ANO2: variants seen among roughly 807,000 people sequenced by gnomAD.
ANO2 encodes anoctamin 2, also known as anoctamin-2.
ANO2 carries 101 observed loss-of-function variants against 124.2 expected under a neutral mutation model. The observed-to-expected ratio is 0.81, with a 90% confidence interval of 0.69 to 0.96. The LOEUF (loss-of-function observed/expected upper bound fraction) is 0.96. Ranked by LOEUF, ANO2 falls within the 40% of genes least tolerant of loss-of-function variation. The pLI, the probability that ANO2 is intolerant of heterozygous loss-of-function variation, is 0.00. For synonymous variants in ANO2, 486 were observed against 482.5 expected, an observed-to-expected ratio of 1.01 and a Z score of -0.09; for missense variants, 1,293 against 1,274.5, an observed-to-expected ratio of 1.01 and a Z score of -0.22.
intron 14 of ANO2, among the ~76,000 whole-genome samples, chr12:5,699,272 A>G (rs1949311121): frequency 6.6e-6 from 1 of 152,228 alleles, no homozygotes; most frequent in Non-Finnish European, 1.5e-5. Context: ...GCCAGAAGAG[A>G]GTGGGGGCCA....
intron 4 of ANO2, among the ~76,000 whole-genome samples, chr12:5,852,853 G>GTA (rs1954954931): frequency 2.9e-5 from 4 of 138,834 alleles, no homozygotes; most frequent in Admixed American, 2.8e-4. Context: ...AGGGACGTGT[G>GTA]TGTGTGTGTG....
At chr12:5,785,360 CAA>C (rs2137140154) in intron 10 of ANO2, among the ~76,000 whole-genome samples, 1 of 152,140 alleles carries the variant, frequency 6.6e-6, no homozygotes, top group East Asian at 1.9e-4. Context: ...TGGGGGACAG[CAA>C]AGAGGGGTCA....
At chr12:5,818,094 G>A (rs779558144) in intron 7 of ANO2, among the ~76,000 whole-genome samples, 15 of 152,200 alleles carry the variant, frequency 9.9e-5, no homozygotes, top group Non-Finnish European at 2.2e-4. Context: ...GAGGTGTGAT[G>A]GTTAATACTG....
At chr12:5,598,995 C>T (rs1164568039) in intron 20 of ANO2, among the ~76,000 whole-genome samples, 2 of 152,186 alleles carry the variant, frequency 1.3e-5, no homozygotes, top group East Asian at 1.9e-4. Flanking sequence ...TCATCTTATC[C>T]AGCCTTATCT....
chr12:5,845,306 G>A (rs956186306), intron 4 of ANO2, among the ~76,000 whole-genome samples: 4 of 151,182 alleles, frequency 2.6e-5, no homozygotes, highest in East Asian at 1.9e-4. Flanking sequence ...TGTGGCTCAC[G>A]CCTGTAATCC....
At chr12:5,823,480 A>G (rs1446676122) in intron 7 of ANO2, among the ~76,000 whole-genome samples, 1 of 152,246 alleles carries the variant, frequency 6.6e-6, no homozygotes, top group East Asian at 1.9e-4. Context: ...GTAAAATTTT[A>G]AAGCTCCAAA....
chr12:5,740,056 C>G (rs1951034712), intron 12 of ANO2: 1 of 443,384 alleles, frequency 2.3e-6, no homozygotes, highest in South Asian at 1.6e-5. Flanking sequence ...TTGCCTGCCC[C>G]ACCCACGGCC....
chr12:5,861,646 C>G (rs1347433567), intron 3 of ANO2, among the ~76,000 whole-genome samples: 1 of 152,122 alleles, frequency 6.6e-6, no homozygotes, highest in African/African-American at 2.4e-5. Flanking sequence ...TGCTGTGAGG[C>G]AAGAACGTCA....
At chr12:5,827,567 C>A (rs1052283096) in intron 7 of ANO2, among the ~76,000 whole-genome samples, 3 of 152,176 alleles carry the variant, frequency 2.0e-5, no homozygotes, top group African/African-American at 7.2e-5. Context: ...GTTACAACAG[C>A]CTGGGGGCAG....
chr12:5,565,713 G>A, intron 23 of ANO2, 50 bp from the exon 24 acceptor site: 7 of 1,466,852 alleles, frequency 4.8e-6, no homozygotes, highest in Non-Finnish European at 6.5e-6. Flanking sequence ...TGGAGAAAAG[G>A]GTGGTCATTC....
At chr12:5,855,691 A>G (rs961241128) in intron 3 of ANO2, among the ~76,000 whole-genome samples, 2 of 152,218 alleles carry the variant, frequency 1.3e-5, no homozygotes, top group Non-Finnish European at 2.9e-5. Flanking sequence ...ATTTGCAACT[A>G]TGCTGTAAGG....
At chr12:5,801,760 A>T (rs1231704111) in intron 9 of ANO2, among the ~76,000 whole-genome samples, 1 of 152,240 alleles carries the variant, frequency 6.6e-6, no homozygotes, top group Non-Finnish European at 1.5e-5. Flanking sequence ...AGGCAGAGGA[A>T]CATCTGAATT....
chr12:5,591,623 C>A (rs572603813), intron 20 of ANO2, among the ~76,000 whole-genome samples: 1 of 152,150 alleles, frequency 6.6e-6, no homozygotes, highest in African/African-American at 2.4e-5. Flanking sequence ...GATCGTTCTC[C>A]TTGGTAGGTC....
chr12:5,942,837 T>C (rs6489678), intron 1 of ANO2, among the ~76,000 whole-genome samples: 146,948 of 152,348 alleles, frequency 0.96, 71,091 homozygotes, highest in Middle Eastern at 1. Flanking sequence ...GATATATAAA[T>C]AGCCAACAAA....
In ANO2 at chr12:5,913,450, C is replaced by T. The variant is rs530095665; in HGVS notation, c.534+7590G>A. ...GTGGGCTCACGGCCCTGGCGCCACA[C>T]GCTCCTTCTGGAAAGGAAGAATAGG... On this transcript the variant is annotated intron_variant, in intron 3 of 24. Transcript: ENST00000682330. Among the ~76,000 whole-genome samples the T allele has an allele frequency of 4.1e-4, 63 of 152,324 alleles. No homozygotes were observed. The South Asian group carries it at 8.5e-3, about 21-fold the overall frequency.
At chr12:5,921,761 T>C (rs1164696226) in intron 2 of ANO2, among the ~76,000 whole-genome samples, 2 of 152,026 alleles carry the variant, frequency 1.3e-5, no homozygotes, top group African/African-American at 4.8e-5. Context: ...CCTCTACCCT[T>C]GTCTCCCTGC....
intron 3 of ANO2, among the ~76,000 whole-genome samples, chr12:5,877,122 G>C (rs568135914): frequency 6.6e-6 from 1 of 152,164 alleles, no homozygotes; most frequent in African/African-American, 2.4e-5. Flanking sequence ...CTTATTTATG[G>C]AAGAGGTTTT....
chr12:5,816,040 G>GTT (rs1953598112), intron 7 of ANO2, among the ~76,000 whole-genome samples: 2 of 152,000 alleles, frequency 1.3e-5, no homozygotes, highest in African/African-American at 4.8e-5. Context: ...AATTAGCTTT[G>GTT]TAAGTTGGTT....
At chr12:5,735,804 A>G (rs1426096165) in intron 13 of ANO2, among the ~76,000 whole-genome samples, 1 of 152,178 alleles carries the variant, frequency 6.6e-6, no homozygotes, top group East Asian at 1.9e-4. Flanking sequence ...CTAAGCAAGG[A>G]GGAGAATGAC....
Sources: allele counts gnomAD v4.1 joint callset (sites outside exome capture counted in the v4.1 genomes callset), GRCh38; gene constraint gnomAD v4.1.1; transcripts MANE v1.5; gene names NCBI Gene and HGNC (gene_info 2026-07-23, HGNC 2026-07-21).